Variants in LYPD5 observed in about 807,000 individuals in gnomAD.
LYPD5 encodes LY6/PLAUR domain containing 5, also known as ly6/PLAUR domain-containing protein 5.
A neutral mutation model predicts 19.1 loss-of-function variants in LYPD5; 21 were observed. The observed-to-expected ratio is 1.10, with a 90% confidence interval of 0.78 to 1.58. The LOEUF is 1.58. LYPD5 is among the 40% of genes most tolerant of loss of function. The pLI is 0.00. For missense variants in LYPD5, 287 were observed against 329.8 expected, an observed-to-expected ratio of 0.87 and a Z score of 1.00; for synonymous variants, 128 against 142.7, an observed-to-expected ratio of 0.90 and a Z score of 0.74.
At chr19:43,800,499 G>A (rs1270079294) in intron 1 of LYPD5, among the ~76,000 whole-genome samples, 2 of 152,142 alleles carry the variant, frequency 1.3e-5, no homozygotes, top group South Asian at 4.1e-4. Context: ...TGTCTGTGAG[G>A]ATGCTTGTGC....
At chr19:43,805,832 C>T (rs1249199575), upstream of LYPD5, among the ~76,000 whole-genome samples, 1 of 152,134 alleles carries the variant, frequency 6.6e-6, no homozygotes, top group East Asian at 1.9e-4. Context: ...CACATGCATT[C>T]TTCCTGCAGC....
chr19:43,802,417 G>C lies in LYPD5; in HGVS notation c.-37C>G. Reference sequence around the variant, plus strand: ...GCCACCTGGGACAGCTCCTCCCGCTGTGATGTGCTGCCTGGCTGGTTCTCC... The same window carrying C: ...GCCACCTGGGACAGCTCCTCCCGCTCTGATGTGCTGCCTGGCTGGTTCTCC... On this transcript the variant is annotated 5_prime_UTR_variant, in exon 1 of 5. Transcript: ENST00000377950. The C allele has an allele frequency of 6.5e-7, 1 of 1,543,208 alleles. No homozygotes were observed. The highest frequency in any genetic ancestry group is 8.8e-7 in the Non-Finnish European group (1 of 1,139,440).
At chr19:43,798,101 AC>A (rs112453679) in intron 4 of LYPD5, among the ~76,000 whole-genome samples, 41,151 of 98,652 alleles carry the variant, frequency 0.42, 10,763 homozygotes, top group South Asian at 0.62. Flanking sequence ...CCTCCCTCAG[AC>A]CAGGGCATGG....
chr19:43,816,759 CAT>C (rs1452746360), intron 1 of LYPD5, among the ~76,000 whole-genome samples: 1 of 152,222 alleles, frequency 6.6e-6, no homozygotes, highest in African/African-American at 2.4e-5. Context: ...ATAATTCCCA[CAT>C]GTTGTGGGAG....
chr19:43,799,938 G>C (rs950014182), intron 1 of LYPD5, 104 bp from the exon 2 acceptor site: 37 of 1,371,290 alleles, frequency 2.7e-5, no homozygotes, highest in Non-Finnish European at 3.6e-5. Flanking sequence ...TGGCCCCTCT[G>C]CTCCCAGGGA....
chr19:43,804,775 C>T (rs543210155), upstream of LYPD5, among the ~76,000 whole-genome samples: 6 of 152,264 alleles, frequency 3.9e-5, no homozygotes, highest in East Asian at 3.9e-4. Context: ...GGGTTGTGCT[C>T]GGGGGTCTCT....
At chr19:43,811,282 GA>G (rs142838413) in intron 1 of LYPD5, among the ~76,000 whole-genome samples, 4 of 149,582 alleles carry the variant, frequency 2.7e-5, no homozygotes, top group South Asian at 2.1e-4. Context: ...GAGATTGAGG[GA>G]AAAAAAAATG....
intron 1 of LYPD5, among the ~76,000 whole-genome samples, chr19:43,814,376 C>A (rs2146507323): frequency 6.6e-6 from 1 of 152,244 alleles, no homozygotes; most frequent in African/African-American, 2.4e-5. Context: ...CACCTGTAGT[C>A]CTAGCTACTG....
intron 1 of LYPD5, among the ~76,000 whole-genome samples, chr19:43,800,594 A>G (rs1970209833): frequency 6.6e-6 from 1 of 152,200 alleles, no homozygotes; most frequent in African/African-American, 2.4e-5. Flanking sequence ...AGAAGCACAA[A>G]TAAAACCAGA....
Position 43,798,604 on chromosome 19 carries a change from G to A in LYPD5, c.371-3C>T. 1 of 1,609,970 alleles carries A rather than the reference G, an allele frequency of 6.2e-7. No individual in the cohort carries two copies. Reference sequence around the variant, plus strand: ...GCTGAGCGTCGGCGGGTCGGGTGCTGGCAAGAGAGCGTAGATGCACACTCA... The same window carrying A: ...GCTGAGCGTCGGCGGGTCGGGTGCTAGCAAGAGAGCGTAGATGCACACTCA... On this transcript the variant is annotated splice_polypyrimidine_tract_variant and splice_region_variant and intron_variant, in intron 3 of 4. Coordinates refer to ENST00000377950, the MANE Select transcript of LYPD5 (RefSeq NM_001031749.3).
intron 1 of LYPD5, among the ~76,000 whole-genome samples, chr19:43,817,887 T>C (rs1056307786): frequency 9.2e-5 from 14 of 152,176 alleles, no homozygotes; most frequent in African/African-American, 3.4e-4. Context: ...CAAGTAATTT[T>C]TTTATTTTAG....
chr19:43,810,007 C>A (rs1970306230), intron 1 of LYPD5, among the ~76,000 whole-genome samples: 1 of 152,146 alleles, frequency 6.6e-6, no homozygotes, highest in African/African-American at 2.4e-5. Flanking sequence ...AACATAGTTG[C>A]AATAAATTGT....
At chr19:43,814,056 A>G (rs1242816317) in intron 1 of LYPD5, among the ~76,000 whole-genome samples, 1 of 152,196 alleles carries the variant, frequency 6.6e-6, no homozygotes, top group Non-Finnish European at 1.5e-5. Context: ...ACGCCCATAA[A>G]TGTATCCACA....
chr19:43,798,632 C>T lies in LYPD5; in HGVS notation c.371-31G>A, dbSNP rs201390726. 2.0e-5 allele frequency: 32 copies of T among 1,609,756 alleles called. No individual in the cohort carries two copies. In the East Asian group the frequency reaches 6.7e-4, roughly 34 times the overall value. On this transcript the variant is annotated intron_variant, in intron 3 of 4. Coordinates refer to ENST00000377950, the MANE Select transcript of LYPD5 (RefSeq NM_001031749.3). ...AAGAGAGCGTAGATGCACACTCAGG[C>T]AGTGGTACCCTGGCACAGTCGTGCG...
At chr19:43,806,062 C>T (rs1970268057), upstream of LYPD5, among the ~76,000 whole-genome samples, 2 of 152,144 alleles carry the variant, frequency 1.3e-5, no homozygotes, top group African/African-American at 4.8e-5. Flanking sequence ...TACTCTAGAT[C>T]AGGGATCCCC....
At chr19:43,809,349 A>G (rs1467264919) in intron 1 of LYPD5, among the ~76,000 whole-genome samples, 1 of 150,882 alleles carries the variant, frequency 6.6e-6, no homozygotes, top group Non-Finnish European at 1.5e-5. Context: ...ATATTATTAT[A>G]CAGTGATTTG....
intron 1 of LYPD5, among the ~76,000 whole-genome samples, chr19:43,811,328 G>A (rs754655156): frequency 1.3e-5 from 2 of 152,134 alleles, no homozygotes; most frequent in African/African-American, 2.4e-5. Context: ...GTGACATCAT[G>A]AAAATAAAGG....
intron 1 of LYPD5, among the ~76,000 whole-genome samples, chr19:43,801,841 A>G (rs1970226574): frequency 6.6e-6 from 1 of 152,206 alleles, no homozygotes. Context: ...CTGTCTTTGT[A>G]ACCACTTCCA....
upstream of LYPD5, among the ~76,000 whole-genome samples, chr19:43,805,141 G>A (rs139905411): frequency 6.6e-5 from 10 of 152,170 alleles, no homozygotes; most frequent in East Asian, 1.2e-3. Flanking sequence ...CAGTTTCCAC[G>A]CATGGTTCCA....
Sources: gnomAD v4.1 joint callset for allele counts (sites outside exome capture counted in the v4.1 genomes callset) on GRCh38, gnomAD v4.1.1 for gene constraint, MANE v1.5 for transcripts, NCBI Gene and HGNC (gene_info 2026-07-23, HGNC 2026-07-21) for gene names.